ROBO2: variants seen among roughly 807,000 people sequenced by gnomAD.
ROBO2 encodes the protein roundabout guidance receptor 2.
ROBO2 carries 53 observed loss-of-function variants against 160.8 expected under a neutral mutation model. That is an observed-to-expected ratio of 0.33 (90% confidence interval 0.26 to 0.41). ROBO2 has a LOEUF of 0.41. Among genes scored for constraint, ROBO2 ranks in the 10% least tolerant of loss-of-function variants. The pLI, the probability that ROBO2 is intolerant of heterozygous loss-of-function variation, is 1.00. For synonymous variants in ROBO2, 664 were observed against 611.7 expected (o/e 1.09, Z -1.26); for missense variants, 1,577 against 1,722.4 (o/e 0.92, Z 1.49).
intron 2 of ROBO2, among the ~76,000 whole-genome samples, chr3:77,406,885 A>G (rs2076293949): frequency 6.6e-6 from 1 of 152,208 alleles, no homozygotes; most frequent in African/African-American, 2.4e-5. Flanking sequence ...CTCAAAGTTT[A>G]CATTTTAAAT....
intron 2 of ROBO2, among the ~76,000 whole-genome samples, chr3:77,120,889 TTTC>T (rs1159416671): frequency 6.6e-6 from 1 of 152,160 alleles, no homozygotes; most frequent in African/African-American, 2.4e-5. Flanking sequence ...CCCAAAATAA[TTTC>T]TTATTAGTCA....
intron 2 of ROBO2, among the ~76,000 whole-genome samples, chr3:76,004,418 A>G (rs570689876): frequency 6.6e-6 from 1 of 152,312 alleles, no homozygotes; most frequent in African/African-American, 2.4e-5. Flanking sequence ...ACTAGGTAAC[A>G]TAGTACTCTA....
chr3:77,069,148 A>G (rs1055617530), intron 1 of ROBO2, among the ~76,000 whole-genome samples: 35 of 152,118 alleles, frequency 2.3e-4, no homozygotes, highest in African/African-American at 8.2e-4. Context: ...GCTGATCTCT[A>G]ATTTAAACTA....
intron 2 of ROBO2, among the ~76,000 whole-genome samples, chr3:76,133,519 C>T (rs2071311134): frequency 6.6e-6 from 1 of 151,836 alleles, no homozygotes; most frequent in Non-Finnish European, 1.5e-5. Context: ...AAGTGAAGTC[C>T]CACAACAGGC....
intron 2 of ROBO2, among the ~76,000 whole-genome samples, chr3:76,522,955 TTTA>T (rs766051238): frequency 1.0e-4 from 15 of 149,024 alleles, no homozygotes; most frequent in Non-Finnish European, 1.5e-4. Context: ...TTACATAATT[TTTA>T]TTATGATTAT....
At chr3:77,367,475 C>T (rs1271698575) in intron 2 of ROBO2, among the ~76,000 whole-genome samples, 1 of 151,858 alleles carries the variant, frequency 6.6e-6, no homozygotes, top group East Asian at 1.9e-4. Context: ...GATGATAACT[C>T]AGAATGGATC....
intron 1 of ROBO2, among the ~76,000 whole-genome samples, chr3:77,066,514 G>C (rs1209851018): frequency 6.6e-6 from 1 of 152,040 alleles, no homozygotes; most frequent in African/African-American, 2.4e-5. Context: ...AATTTTGTTA[G>C]ACAGCAATCT....
chr3:76,372,053 G>T (rs192260095), intron 2 of ROBO2, among the ~76,000 whole-genome samples: 12 of 151,822 alleles, frequency 7.9e-5, no homozygotes, highest in Non-Finnish European at 1.6e-4. Context: ...ATTTCTTTCT[G>T]TTACTATTAG....
At chr3:77,172,381 T>C (rs2079724168) in intron 2 of ROBO2, among the ~76,000 whole-genome samples, 1 of 152,210 alleles carries the variant, frequency 6.6e-6, no homozygotes, top group African/African-American at 2.4e-5. Flanking sequence ...TTTGTGAGAA[T>C]TATTTTCTTA....
At chr3:76,791,996 A>G (rs185400461) in intron 2 of ROBO2, among the ~76,000 whole-genome samples, 2 of 152,064 alleles carry the variant, frequency 1.3e-5, no homozygotes, top group East Asian at 1.9e-4. Flanking sequence ...GCATTTGCCA[A>G]CATTTTGGCT....
intron 1 of ROBO2, among the ~76,000 whole-genome samples, chr3:77,089,481 TCA>T (rs1340353514): frequency 6.6e-6 from 1 of 152,184 alleles, no homozygotes; most frequent in Non-Finnish European, 1.5e-5. Flanking sequence ...CAGTTCCCTT[TCA>T]CACTATAAGC....
chr3:76,660,724 C>T (rs888988271), intron 2 of ROBO2, among the ~76,000 whole-genome samples: 110 of 151,970 alleles, frequency 7.2e-4, no homozygotes, highest in African/African-American at 2.3e-3. Context: ...TTGTTGATTC[C>T]CCCTGAATAA....
At chr3:76,041,035 A>G (rs2067256487) in intron 2 of ROBO2, among the ~76,000 whole-genome samples, 1 of 152,008 alleles carries the variant, frequency 6.6e-6, no homozygotes, top group African/African-American at 2.4e-5. Flanking sequence ...TCTCTTAAAT[A>G]TTACAAGTAT....
rs142347216 is a variant in ROBO2 at position 77,643,569 on chromosome 3, G to T, written c.3935-1135G>T. 4.3e-3 allele frequency among the ~76,000 whole-genome samples: 650 copies of T among 152,152 alleles called. 5 individuals carry two copies. Among genetic ancestry groups the T allele is most frequent in the African/African-American group, 0.014 (591 of 41,512 alleles). On this transcript the variant is annotated intron_variant, in intron 24 of 25. Transcript: ENST00000461745. ...CATTGTTTGTAGTTAGATTTTTTTG[G>T]GGGGAGAGGTGTGGCGCGGGAGGTG...
chr3:77,261,768 ATTTTT>A (rs10710219), intron 2 of ROBO2, among the ~76,000 whole-genome samples: 2 of 135,612 alleles, frequency 1.5e-5, no homozygotes. Flanking sequence ...TTCTGATTTC[ATTTTT>A]TTTTTTTTTT....
intron 2 of ROBO2, among the ~76,000 whole-genome samples, chr3:76,079,950 G>A (rs544658319): frequency 3.9e-5 from 6 of 152,236 alleles, no homozygotes; most frequent in African/African-American, 1.2e-4. Context: ...CCAATGATAT[G>A]CCTGATTGTC....
At chr3:77,037,264 C>A (rs1025702379), upstream of ROBO2, among the ~76,000 whole-genome samples, 1 of 152,084 alleles carries the variant, frequency 6.6e-6, no homozygotes, top group Non-Finnish European at 1.5e-5. Flanking sequence ...TTTTAAAAAA[C>A]CAGTTATGAA....
intron 2 of ROBO2, among the ~76,000 whole-genome samples, chr3:76,868,003 G>A (rs540980628): frequency 3.6e-4 from 55 of 152,224 alleles, no homozygotes; most frequent in African/African-American, 1.3e-3. Context: ...CTCCCCTCGA[G>A]ATACAAAATA....
intron 4 of ROBO2, among the ~76,000 whole-genome samples, chr3:77,491,248 G>C (rs1369578291): frequency 6.6e-6 from 1 of 152,238 alleles, no homozygotes; most frequent in East Asian, 1.9e-4. Context: ...TCTCTAGCTT[G>C]TTCATCCCAG....
Sources: gnomAD v4.1 joint callset for allele counts (sites outside exome capture counted in the v4.1 genomes callset) on GRCh38, gnomAD v4.1.1 for gene constraint, MANE v1.5 for transcripts, NCBI Gene and HGNC (gene_info 2026-07-23, HGNC 2026-07-21) for gene names.